The following NLRP7 variants were observed in gnomAD, a reference collection of about 807,000 sequenced individuals.
The protein encoded by NLRP7 is NLR family pyrin domain containing 7, also known as NACHT, LRR and PYD domains-containing protein 7.
Under a neutral mutation model 85.5 loss-of-function variants are expected in NLRP7, and 72 were observed. The ratio of observed to expected loss-of-function variants is 0.84; its 90% CI spans 0.70 to 1.02. The LOEUF (loss-of-function observed/expected upper bound fraction) is 1.02. Ranked by LOEUF, NLRP7 falls within the 50% of genes least tolerant of loss-of-function variation. The probability of loss-of-function intolerance (pLI) is 0.00; values close to 1 mark genes in which losing one functional copy is unlikely to be tolerated. For missense variants in NLRP7, 1,243 were observed against 1,219.5 expected (o/e 1.02, Z -0.29); for synonymous variants, 550 against 505.2 (o/e 1.09, Z -1.19).
intron 1 of NLRP7, among the ~76,000 whole-genome samples, chr19:54,944,715 G>A (rs1212856561): frequency 6.6e-6 from 1 of 151,954 alleles, no homozygotes; most frequent in Non-Finnish European, 1.5e-5. Context: ...GGAAGAGCAT[G>A]AGAGCCCAGG....
chr19:54,929,974 G>A (rs1177250126), intron 9 of NLRP7, among the ~76,000 whole-genome samples: 1 of 151,642 alleles, frequency 6.6e-6, no homozygotes, highest in Non-Finnish European at 1.5e-5. Context: ...AATTAGCCAG[G>A]CACGGTGGCG....
chr19:54,961,441 T>G (rs2070039167), intron 1 of NLRP7, among the ~76,000 whole-genome samples: 1 of 151,880 alleles, frequency 6.6e-6, no homozygotes, highest in Non-Finnish European at 1.5e-5. Flanking sequence ...GAGGTTGCAG[T>G]GAGCCAAGAT....
In NLRP7 at chr19:54,934,211, G is replaced by A. The variant is rs2146189707; in HGVS notation, c.2471+278C>T. On this transcript the variant is annotated intron_variant, in intron 7 of 9. Transcript: ENST00000340844. This position sits in a 1 kb window ranked among gnomAD's most constrained non-coding sequence, Gnocchi z 6.7. ...CCGCCTTGGCCTCCCAACGTGCTGGGATTACAGGCATGAGCCACCGCACCC... is the reference window on the plus strand; with the variant it reads ...CCGCCTTGGCCTCCCAACGTGCTGGAATTACAGGCATGAGCCACCGCACCC... Among the ~76,000 whole-genome samples, 1 of 152,288 alleles carries A rather than the reference G, an allele frequency of 6.6e-6. No individual in the cohort carries two copies. The highest frequency in any genetic ancestry group is 1.9e-4 in the East Asian group (1 of 5,174).
chr19:54,924,517 G>A (rs576929457), intron 9 of NLRP7, among the ~76,000 whole-genome samples: 30 of 152,216 alleles, frequency 2.0e-4, no homozygotes, highest in South Asian at 8.3e-4. Context: ...CCAGCTACTC[G>A]GGAGGCGGAG....
chr19:54,935,238 T>A (rs1032789976), intron 6 of NLRP7, among the ~76,000 whole-genome samples: 4 of 151,334 alleles, frequency 2.6e-5, no homozygotes, highest in African/African-American at 9.7e-5. Flanking sequence ...GAAAAAAAAA[T>A]TTTTTTTTTG....
upstream of NLRP7, chr19:54,947,642 C>A (rs199475819): frequency 5.8e-5 from 75 of 1,289,410 alleles, no homozygotes; most frequent in African/African-American, 1.1e-3. Context: ...CTCAGGCTCA[C>A]CTTGACATCA....
At chr19:54,940,117 C>A (rs376328636) in exon 4 of NLRP7, 2 of 1,614,098 alleles carry the variant, frequency 1.2e-6, no homozygotes, top group African/African-American at 1.3e-5. Flanking sequence ...TGTCATCCTG[C>A]AATTCAGGCC....
chr19:54,962,635 T>C (rs2070088258), intron 1 of NLRP7, among the ~76,000 whole-genome samples: 1 of 151,112 alleles, frequency 6.6e-6, no homozygotes, highest in Admixed American at 6.6e-5. Flanking sequence ...AGTCTTGCTC[T>C]GTCACCCAGG....
rs1215070905 is a variant in NLRP7 at position 54,959,901 on chromosome 19, G to A, written c.-77+6139C>T. Among the ~76,000 whole-genome samples the A allele has an allele frequency of 5.3e-5, 8 of 151,812 alleles. 1 individual carries two copies. Among genetic ancestry groups the A allele is most frequent in the East Asian group, 1.9e-4 (1 of 5,190 alleles). ...CATGCAACCCTGGGAGCCGACTCCC[G>A]GCTGCAGAGCCTTGTCAGAAGCAGG... is the stretch of plus-strand genomic sequence containing the variant. On this transcript the variant is annotated intron_variant, in intron 1 of 2. Transcript: ENST00000587103.
At chr19:54,927,392 AAAG>A (rs1173382574) in intron 9 of NLRP7, among the ~76,000 whole-genome samples, 1 of 151,822 alleles carries the variant, frequency 6.6e-6, no homozygotes, top group East Asian at 1.9e-4. Flanking sequence ...AAAAAAAAAA[AAAG>A]AAAAAGAAAA....
intron 1 of NLRP7, among the ~76,000 whole-genome samples, chr19:54,944,542 G>A (rs1016765658): frequency 4.0e-5 from 6 of 151,640 alleles, no homozygotes; most frequent in African/African-American, 1.5e-4. Flanking sequence ...CCCGGCCGGC[G>A]CGGGTCTCCT....
intron 1 of NLRP7, among the ~76,000 whole-genome samples, chr19:54,961,317 C>T (rs1159259308): frequency 2.0e-5 from 3 of 151,790 alleles, no homozygotes; most frequent in Admixed American, 1.3e-4. Context: ...CCAAGACCAG[C>T]CCGGCCAAGG....
chr19:54,936,040 A>G (rs2068907779), intron 6 of NLRP7, among the ~76,000 whole-genome samples: 1 of 152,194 alleles, frequency 6.6e-6, no homozygotes, highest in Admixed American at 6.6e-5. Flanking sequence ...AACCCAGCAC[A>G]GAATTCGGGG....
chr19:54,951,689 A>G (rs1486207519), upstream of NLRP7, among the ~76,000 whole-genome samples: 1 of 152,090 alleles, frequency 6.6e-6, no homozygotes, highest in Non-Finnish European at 1.5e-5. Context: ...GGCTCTAGAC[A>G]CTGCACTTTT....
At chr19:54,956,481 G>A (rs1157851813) in intron 1 of NLRP7, among the ~76,000 whole-genome samples, 1 of 151,818 alleles carries the variant, frequency 6.6e-6, no homozygotes, top group East Asian at 1.9e-4. Flanking sequence ...CTTGAGGTCA[G>A]GACTTTGAGA....
intron 1 of NLRP7, among the ~76,000 whole-genome samples, chr19:54,964,112 C>A (rs1252656900): frequency 6.6e-6 from 1 of 150,594 alleles, no homozygotes. Context: ...AAGTCCTGAC[C>A]TCGTGATCCA....
At chr19:54,951,413 G>T (rs1432157893), upstream of NLRP7, among the ~76,000 whole-genome samples, 1 of 151,998 alleles carries the variant, frequency 6.6e-6, no homozygotes, top group African/African-American at 2.4e-5. Flanking sequence ...GGGCATGGTA[G>T]TTCAACGCCT....
chr19:54,934,467 C>G lies in NLRP7; in HGVS notation c.2471+22G>C. On this transcript the variant is annotated intron_variant, in intron 7 of 9. Coordinates refer to ENST00000340844, the Ensembl canonical transcript of NLRP7. This position sits in a 1 kb window ranked among gnomAD's most constrained non-coding sequence, Gnocchi z 6.7. ...TAGCCCCAGAACTAAACCAGAGCTG[C>G]CCATGGGAAGAGGAGACTTACGACA... 6.2e-7 allele frequency: 1 copy of G among 1,613,350 alleles called. No homozygotes were observed.
chr19:54,958,692 C>T (rs1011802170), intron 1 of NLRP7, among the ~76,000 whole-genome samples: 12 of 152,054 alleles, frequency 7.9e-5, no homozygotes, highest in African/African-American at 2.9e-4. Flanking sequence ...GTGGCTCACG[C>T]CTGTAATCCC....
Sources: allele counts gnomAD v4.1 joint callset (sites outside exome capture counted in the v4.1 genomes callset), GRCh38; gene constraint gnomAD v4.1.1; non-coding constraint Gnocchi (gnomAD v3.1); transcripts MANE v1.5; gene names NCBI Gene and HGNC (gene_info 2026-07-23, HGNC 2026-07-21).